Variants in CSMD2 observed in about 807,000 individuals in gnomAD.
CSMD2 encodes CUB and Sushi multiple domains 2.
Under a neutral mutation model 398.5 loss-of-function variants are expected in CSMD2, and 130 were observed. The ratio of observed to expected loss-of-function variants is 0.33; its 90% CI spans 0.28 to 0.38. CSMD2 has a LOEUF of 0.38. Ranked by LOEUF, CSMD2 falls within the 10% of genes least tolerant of loss-of-function variation. The probability of loss-of-function intolerance (pLI) is 1.00; values close to 1 mark genes in which losing one functional copy is unlikely to be tolerated. For synonymous variants in CSMD2, 1,828 were observed against 1,908.5 expected (o/e 0.96, Z 1.10); for missense variants, 3,829 against 4,764.9 (o/e 0.80, Z 5.78).
At chr1:33,917,954 G>A in intron 5 of CSMD2, 140 bp downstream of exon 5, 1 of 644,334 alleles carries the variant, frequency 1.6e-6, no homozygotes, top group East Asian at 2.7e-5. Flanking sequence ...AGGATGAGAT[G>A]AAAGGACTCT....
At chr1:34,148,977 A>G (rs913738375) in intron 1 of CSMD2, among the ~76,000 whole-genome samples, 1 of 152,146 alleles carries the variant, frequency 6.6e-6, no homozygotes, top group Non-Finnish European at 1.5e-5. Flanking sequence ...AGTGTTTCCC[A>G]CACTCATCTG....
At chr1:33,699,643 C>T (rs758709179) in intron 23 of CSMD2, among the ~76,000 whole-genome samples, 10 of 152,202 alleles carry the variant, frequency 6.6e-5, no homozygotes, top group Non-Finnish European at 1.5e-4. Context: ...CGAGGGGAAA[C>T]CTGACTATAC....
At chr1:33,603,049 C>T (rs1015249430) in intron 42 of CSMD2, among the ~76,000 whole-genome samples, 1 of 152,030 alleles carries the variant, frequency 6.6e-6, no homozygotes, top group Non-Finnish European at 1.5e-5. Context: ...CATAGCTGAA[C>T]GATGTATTGA....
intron 3 of CSMD2, among the ~76,000 whole-genome samples, chr1:33,984,301 A>C (rs1180072178): frequency 6.6e-6 from 1 of 152,204 alleles, no homozygotes; most frequent in African/African-American, 2.4e-5. Flanking sequence ...TGCTTCTTCA[A>C]CAGTGTAGAG....
At chr1:33,951,078 C>G (rs1306502509) in intron 3 of CSMD2, among the ~76,000 whole-genome samples, 1 of 152,246 alleles carries the variant, frequency 6.6e-6, no homozygotes, top group African/African-American at 2.4e-5. Flanking sequence ...ATCTGACCCA[C>G]AGTCATTCCT....
intron 64 of CSMD2, among the ~76,000 whole-genome samples, chr1:33,529,237 C>T (rs1054608912): frequency 2.6e-5 from 4 of 152,168 alleles, no homozygotes; most frequent in East Asian, 3.8e-4. Context: ...AAATCCTGGG[C>T]TCAAGTGAAC....
chr1:34,046,660 T>C (rs1652550112), intron 2 of CSMD2, among the ~76,000 whole-genome samples: 1 of 152,226 alleles, frequency 6.6e-6, no homozygotes, highest in Non-Finnish European at 1.5e-5. Flanking sequence ...GTCTCTATGA[T>C]CTGATAGGTT....
At chr1:33,766,510 T>C (rs1403722249) in intron 13 of CSMD2, among the ~76,000 whole-genome samples, 1 of 152,192 alleles carries the variant, frequency 6.6e-6, no homozygotes, top group Non-Finnish European at 1.5e-5. Context: ...AAAAACTAAA[T>C]TATAAGCCAC....
intron 3 of CSMD2, among the ~76,000 whole-genome samples, chr1:34,002,367 G>C (rs1209943648): frequency 6.6e-6 from 1 of 152,126 alleles, no homozygotes; most frequent in Non-Finnish European, 1.5e-5. Context: ...CTTCTACCAG[G>C]AGGCCTTGTC....
chr1:33,909,766 G>T (rs1643346084), intron 5 of CSMD2, among the ~76,000 whole-genome samples: 1 of 152,162 alleles, frequency 6.6e-6, no homozygotes, highest in Non-Finnish European at 1.5e-5. Flanking sequence ...AGGTGTAGCT[G>T]TTGATTTTAT....
chr1:33,729,453 C>CTTTTTTTT (rs200820125), intron 15 of CSMD2, among the ~76,000 whole-genome samples: 3 of 103,812 alleles, frequency 2.9e-5, no homozygotes, highest in Non-Finnish European at 4.3e-5. Flanking sequence ...GGGGAGGATT[C>CTTTTTTTT]TTTTTTTTTT....
chr1:34,102,192 G>A (rs1465675305), intron 1 of CSMD2, among the ~76,000 whole-genome samples: 5 of 152,036 alleles, frequency 3.3e-5, no homozygotes, highest in Non-Finnish European at 5.9e-5. Flanking sequence ...CACCACGCCC[G>A]GCTAATTTTT....
At chr1:33,798,147 T>C (rs1351249671) in intron 10 of CSMD2, among the ~76,000 whole-genome samples, 2 of 152,152 alleles carry the variant, frequency 1.3e-5, no homozygotes, top group African/African-American at 4.8e-5. Context: ...CTATAATGAC[T>C]CATTAACTAA....
intron 40 of CSMD2, 94 bp from the exon 41 acceptor site, chr1:33,611,344 G>T (rs1640990844): frequency 1.9e-6 from 2 of 1,080,622 alleles, no homozygotes; most frequent in Admixed American, 2.1e-5. Flanking sequence ...AGAGCCATGA[G>T]TCCCTGCTAC....
At position 33,709,177 on chromosome 1, in the gene CSMD2, T is replaced by C; in HGVS notation, c.3488A>G (p.Glu1163Gly). 1 of 1,614,086 alleles carries C rather than the reference T, an allele frequency of 6.2e-7. No homozygotes were observed. Among genetic ancestry groups the C allele is most frequent in the Non-Finnish European group, 8.5e-7 (1 of 1,179,926 alleles). Residue 1163 changes from glutamate to glycine, a missense_variant, in exon 22 of 71, where the codon GAA becomes GGA. This residue lies in a region of CSMD2 where 2,001 missense variants were observed against 2,567.1 expected (regional missense o/e 0.78). Transcript: ENST00000373381. Reference sequence around the variant, plus strand: ...CTGGGTCTGGATGGAGTAGATGCATTCATGATTGTTATTGTAGTTCACAGG... The same window carrying C: ...CTGGGTCTGGATGGAGTAGATGCATCCATGATTGTTATTGTAGTTCACAGG... ...NFPVNYNNNH[E>G]CIYSIQTQPG...
chr1:33,995,721 T>C (rs1359681830), intron 3 of CSMD2, among the ~76,000 whole-genome samples: 3 of 152,224 alleles, frequency 2.0e-5, no homozygotes, highest in Non-Finnish European at 4.4e-5. Context: ...GAGTTTACCA[T>C]ATCTCTGCTC....
chr1:33,875,504 C>T (rs1221114505), intron 5 of CSMD2: 2 of 152,388 alleles, frequency 1.3e-5, no homozygotes, highest in South Asian at 2.1e-4. Flanking sequence ...CATGGACCTC[C>T]CTGTAGTTGA....
At chr1:33,718,204 C>G (rs1184130040) in intron 19 of CSMD2, among the ~76,000 whole-genome samples, 1 of 152,158 alleles carries the variant, frequency 6.6e-6, no homozygotes, top group Non-Finnish European at 1.5e-5. Context: ...AGGGTGCGGC[C>G]TCTCAGGCTA....
intron 49 of CSMD2, among the ~76,000 whole-genome samples, chr1:33,573,576 A>G (rs1347311841): frequency 3.9e-5 from 6 of 152,170 alleles, no homozygotes; most frequent in Admixed American, 3.9e-4. Context: ...TTGCCGAAAT[A>G]AGCATTATAG....
Sources: allele counts gnomAD v4.1 joint callset (sites outside exome capture counted in the v4.1 genomes callset), GRCh38; gene constraint gnomAD v4.1.1; regional missense constraint gnomAD v4.1.1; transcripts MANE v1.5; gene names NCBI Gene and HGNC (gene_info 2026-07-23, HGNC 2026-07-21).